Variants in CPSF1 observed in about 807,000 individuals in gnomAD.
CPSF1 encodes cleavage and polyadenylation specific factor 1, also known as cleavage and polyadenylation specificity factor subunit 1.
CPSF1 carries 106 observed loss-of-function variants against 175.8 expected under a neutral mutation model. The ratio of observed to expected loss-of-function variants is 0.60; its 90% CI spans 0.52 to 0.71. CPSF1 has a LOEUF of 0.71. Ranked by LOEUF, CPSF1 falls within the 30% of genes least tolerant of loss-of-function variation. CPSF1 has a pLI of 0.00. For missense variants in CPSF1, 1,734 were observed against 2,022.9 expected, an observed-to-expected ratio of 0.86 and a Z score of 2.74; for synonymous variants, 1,024 against 858.3, an observed-to-expected ratio of 1.19 and a Z score of -3.37.
rs199684435 is a variant in CPSF1, at chr8:144,396,718, A to G, written c.2706T>C (p.Arg902=). ...TCTTGGATGGCTTTGGCTTCTTCTC[A>G]CGGAAGTTGATGTTGTGAGGGACCT... ...FKKVPHNINF[R]EKKPKPSKKK... The change falls in exon 25 of 38, where the codon CGT becomes CGC. Residue 902 remains arginine (R), a synonymous_variant. Coordinates refer to ENST00000616140, the MANE Select transcript of CPSF1 (RefSeq NM_013291.3). 3.5e-5 allele frequency: 57 copies of G among 1,613,780 alleles called. No individual in the cohort carries two copies. The highest frequency in any genetic ancestry group is 4.7e-5 in the Non-Finnish European group (55 of 1,180,018).
chr8:144,400,135 G>GGGGGCCC, intron 9 of CPSF1, 31 bp downstream of exon 9: 18 of 896,494 alleles, frequency 2.0e-5, no homozygotes, highest in Non-Finnish European at 2.6e-5. Flanking sequence ...CCGTCCCCGG[G>GGGGGCCC]CCCCCCCCGC....
At chr8:144,403,231 G>A (rs1414663695) in intron 2 of CPSF1, among the ~76,000 whole-genome samples, 1 of 151,792 alleles carries the variant, frequency 6.6e-6, no homozygotes, top group East Asian at 1.9e-4. Flanking sequence ...TCAGTAGCTG[G>A]GATTATAGGC....
rs2116886224 is a variant in CPSF1, at chr8:144,401,627, G to A, written c.172+19C>T. ...ATGCCTGGCACCCGCACAGCCCCAG[G>A]CCGCCCCACCACACTCACCTGTGCT... On this transcript the variant is annotated intron_variant, in intron 3 of 37. Transcript: ENST00000616140. 1 of 1,611,660 alleles carries A rather than the reference G, an allele frequency of 6.2e-7. No homozygotes were observed. The highest frequency in any genetic ancestry group is 8.5e-7 in the Non-Finnish European group (1 of 1,179,046).
intron 26 of CPSF1, chr8:144,396,006 TG>T (rs1301052480): frequency 2.4e-6 from 1 of 411,174 alleles, no homozygotes; most frequent in African/African-American, 2.0e-5. Flanking sequence ...AAAGCCTGTG[TG>T]CCCTCCCAAA....
Position 144,398,086 on chromosome 8 carries a change from C to T in CPSF1, c.1941G>A (p.Val647=), listed in dbSNP as rs781939969. The T allele has an allele frequency of 6.2e-7, 1 of 1,611,012 alleles. No homozygotes were observed. The highest frequency in any genetic ancestry group is 1.1e-5 in the South Asian group (1 of 90,884). ...FIPVDLGAPI[V]QCAVADPYVV... ...CATAGGGGTCGGCCACGGCGCACTG[C>T]ACGATGGGGGCGCCCAGGTCCACGG... Residue 647 remains valine, a synonymous_variant, in exon 20 of 38, where the codon GTG becomes GTA. Coordinates refer to ENST00000616140, the MANE Select transcript of CPSF1 (RefSeq NM_013291.3).
rs1224655385 is a variant in CPSF1, at chr8:144,394,940, C to T, written c.3356G>A (p.Gly1119Asp). 5.0e-6 allele frequency: 8 copies of T among 1,612,824 alleles called. No individual in the cohort carries two copies. The South Asian group carries it at 5.5e-5, about 11-fold the overall frequency. The change falls in exon 30 of 38, where the codon GGC becomes GAC. Residue 1119 changes from glycine (G) to aspartate (D), a missense_variant. Gly to Asp is a moderately conservative substitution (Grantham distance 94, BLOSUM62 -1). Transcript: ENST00000616140. ...GAGGCAGGTCCCGGCGGCCACGTAG[C>T]CTTTGAGGCCCGACACGGTCTCCTC... ...RSEETVSGLK[G>D]YVAAGTCLMQ...
At position 144,396,334 on chromosome 8, in the gene CPSF1, C is replaced by A. The variant is rs782623578; in HGVS notation, c.2979+14G>T. On this transcript the variant is annotated intron_variant, in intron 26 of 37. Coordinates refer to ENST00000616140, the MANE Select transcript of CPSF1 (RefSeq NM_013291.3). The stretch of plus-strand genomic sequence containing the variant: ...AGCATCAGCCAGTGCTGCTGGGAAC[C>A]GGCCGGGCCCCACCTGTCTGTTGAA... 2 of 1,575,294 alleles carry A rather than the reference C, an allele frequency of 1.3e-6. No individual in the cohort carries two copies. Among genetic ancestry groups the A allele is most frequent in the East Asian group, 2.3e-5 (1 of 43,690 alleles).
intron 23 of CPSF1, 129 bp from the exon 24 acceptor site, chr8:144,397,058 C>T (rs1394271438): frequency 1.4e-4 from 61 of 421,118 alleles, no homozygotes; most frequent in Non-Finnish European, 1.8e-4. Context: ...TGGGAAGGGG[C>T]GGGGCTGTGA....
At position 144,399,148 on chromosome 8, in the gene CPSF1, G is replaced by C. The variant is rs782004916; in HGVS notation, c.1447C>G (p.Pro483Ala). 6.3e-7 allele frequency: 1 copy of C among 1,589,824 alleles called. No individual in the cohort carries two copies. The highest frequency in any genetic ancestry group is 1.3e-5 in the African/African-American group (1 of 74,446). ...GPCANAAVGE[P>A]AFLSEEFQNS... ...GGCACCTCTTCAGAGAGGAAGGCAG[G>C]CTCGCCCACGGCGGCATTGGCACAG... The change falls in exon 15 of 38, where the codon CCT (proline) becomes GCT (alanine). Residue 483 changes from proline (P) to alanine (A), a missense_variant. Coordinates refer to ENST00000616140, the MANE Select transcript of CPSF1 (RefSeq NM_013291.3). This position sits in a 1 kb window ranked among gnomAD's most constrained non-coding sequence, Gnocchi z 6.4.
At position 144,409,220 on chromosome 8, in the gene CPSF1, A is replaced by G; in HGVS notation, c.-14-48T>C. ...GGGTGAGCGGGGTCGCCCACGCAGG[A>G]GCCCGGCCCCGCACCGCGCCCCTCC... is the stretch of plus-strand genomic sequence containing the variant. On this transcript the variant is annotated intron_variant, in intron 1 of 37. Coordinates refer to ENST00000616140, the MANE Select transcript of CPSF1 (RefSeq NM_013291.3). 1.1e-5 allele frequency: 16 copies of G among 1,431,402 alleles called. 1 individual carries two copies. The South Asian group carries it at 2.2e-4, about 20-fold the overall frequency. 88.7% of individuals were successfully genotyped at this position (1,431,402 alleles called of 1,614,324 possible).
intron 2 of CPSF1, among the ~76,000 whole-genome samples, chr8:144,402,611 C>T (rs2116892149): frequency 6.6e-6 from 1 of 152,118 alleles, no homozygotes; most frequent in Admixed American, 6.6e-5. Flanking sequence ...TCATTTTTCA[C>T]GATGGACTTG....
intron 2 of CPSF1, among the ~76,000 whole-genome samples, chr8:144,408,591 A>C (rs2116911230): frequency 6.6e-6 from 1 of 151,554 alleles, no homozygotes; most frequent in South Asian, 2.1e-4. Flanking sequence ...GACTGGAAAT[A>C]CACAGTCTCC....
chr8:144,404,136 T>C (rs1821367305), intron 2 of CPSF1, among the ~76,000 whole-genome samples: 2 of 151,608 alleles, frequency 1.3e-5, no homozygotes, highest in Non-Finnish European at 2.9e-5. Flanking sequence ...GGCAGGAGAA[T>C]CGCTTGAATC....
chr8:144,401,548 C>T lies in CPSF1; in HGVS notation c.188G>A (p.Arg63Gln), dbSNP rs2116885549. The change falls in exon 4 of 38, where the codon CGG becomes CAG. Residue 63 changes from arginine to glutamine, a missense_variant. Coordinates refer to ENST00000616140, the MANE Select transcript of CPSF1 (RefSeq NM_013291.3). ...NDRSTEGKAH[R>Q]EKLELAASFS... ...GGAGGCAGCAAGCTCGAGCTTCTCC[C>T]GGTGGGCCTTCCCCTCTAGGGGAGA... The T allele has an allele frequency of 2.5e-6, 4 of 1,613,592 alleles. No individual in the cohort carries two copies. Among genetic ancestry groups the T allele is most frequent in the East Asian group, 2.2e-5 (1 of 44,872 alleles).
At chr8:144,405,901 G>A (rs1821475940) in intron 2 of CPSF1, among the ~76,000 whole-genome samples, 1 of 152,174 alleles carries the variant, frequency 6.6e-6, no homozygotes, top group Non-Finnish European at 1.5e-5. Flanking sequence ...GGGGGTAGGG[G>A]AAGACACATC....
rs782557169 is a variant in CPSF1 at position 144,396,435 on chromosome 8, G to A, written c.2892C>T (p.His964=). 1.1e-5 allele frequency: 18 copies of A among 1,596,590 alleles called. No individual in the cohort carries two copies. The Admixed American group carries it at 2.7e-4, about 24-fold the overall frequency. Residue 964 remains histidine, a synonymous_variant, in exon 26 of 38, where the codon CAC becomes CAT. Transcript: ENST00000616140. ...LVTGRGALRL[H]PMAIDGPVDS... is the part of the protein sequence containing the mutation. Reference sequence around the variant, plus strand: ...CGACCGGGCCGTCGATGGCCATGGGGTGTAGCCGCAGAGCCCCTCGGCCGG... The same window carrying A: ...CGACCGGGCCGTCGATGGCCATGGGATGTAGCCGCAGAGCCCCTCGGCCGG...
At chr8:144,396,957 A>T in intron 23 of CPSF1, 28 bp from the exon 24 acceptor site, 1 of 1,546,308 alleles carries the variant, frequency 6.5e-7, no homozygotes, top group African/African-American at 1.4e-5. Flanking sequence ...GCCATGGGGG[A>T]ACGGGCAGGG....
Position 144,393,453 on chromosome 8 carries a change from ATGTC to A in CPSF1, c.4279_4282del (p.Asp1427Ter). On this transcript the variant is annotated frameshift_variant and splice_region_variant, in exon 37 of 38. Transcript: ENST00000616140. LOFTEE classifies it high-confidence loss of function. ...GCGGGGGGCGGGGCGCGCACTCACTATGTCTGGTGTGGTGCCGATCTTCTTGGCT... is the reference window on the plus strand; with the variant it reads ...GCGGGGGGCGGGGCGCGCACTCACTATGGTGTGGTGCCGATCTTCTTGGCT... 1 of 1,548,516 alleles carries A rather than the reference ATGTC, an allele frequency of 6.5e-7. No individual in the cohort carries two copies. The highest frequency in any genetic ancestry group is 8.7e-7 in the Non-Finnish European group (1 of 1,147,432).
In CPSF1 at chr8:144,394,376, T is replaced by G; in HGVS notation, c.3744+3A>C. 1 of 1,602,270 alleles carries G rather than the reference T, an allele frequency of 6.2e-7. No individual in the cohort carries two copies. Among genetic ancestry groups the G allele is most frequent in the Non-Finnish European group, 8.5e-7 (1 of 1,173,386 alleles). ...GACACGAGCACCGCCGCCACAGGTG[T>G]ACCCGCGACACCAGGCTCAGCGTCT... On this transcript the variant is annotated splice_donor_region_variant and intron_variant, in intron 32 of 37. Transcript: ENST00000616140.
Sources: allele counts gnomAD v4.1 joint callset (sites outside exome capture counted in the v4.1 genomes callset), GRCh38; gene constraint gnomAD v4.1.1; non-coding constraint Gnocchi (gnomAD v3.1); transcripts MANE v1.5; gene names NCBI Gene and HGNC (gene_info 2026-07-23, HGNC 2026-07-21).